Variants in CNR1 observed in about 807,000 individuals in gnomAD.
CNR1 encodes the protein cannabinoid receptor 1, also known as cannabinoid receptor 1 (brain).
In CNR1, 10 loss-of-function variants were observed where a neutral mutation model predicts 23.0. The ratio of observed to expected loss-of-function variants is 0.43; its 90% CI spans 0.27 to 0.74. The LOEUF is 0.74. Ranked by LOEUF, CNR1 falls within the 30% of genes least tolerant of loss-of-function variation. The pLI is 0.19. For missense variants in CNR1, 422 were observed against 618.8 expected (o/e 0.68, Z 3.37); for synonymous variants, 271 against 255.2 (o/e 1.06, Z -0.59).
At chr6:88,148,015 TA>T in intron 1 of CNR1, among the ~76,000 whole-genome samples, 1 of 152,262 alleles carries the variant, frequency 6.6e-6, no homozygotes, top group Admixed American at 6.5e-5. Context: ...TGAAGTCCAG[TA>T]AAAAGTTTCC....
intron 1 of CNR1, among the ~76,000 whole-genome samples, chr6:88,158,142 G>T (rs1777898184): frequency 6.6e-6 from 1 of 152,162 alleles, no homozygotes; most frequent in Non-Finnish European, 1.5e-5. Flanking sequence ...AACAGAACTG[G>T]AAGAACGAGG....
chr6:88,160,511 T>C (rs1778043942), intron 1 of CNR1, among the ~76,000 whole-genome samples: 1 of 150,970 alleles, frequency 6.6e-6, no homozygotes, highest in East Asian at 2.0e-4. Context: ...CTTGGCTCAC[T>C]GCAACCTCTG....
At position 88,144,872 on chromosome 6, in the gene CNR1, G is replaced by C; in HGVS notation, c.403C>G (p.Leu135Val). 6.2e-7 allele frequency: 1 copy of C among 1,614,208 alleles called. No homozygotes were observed. Among genetic ancestry groups the C allele is most frequent in the Non-Finnish European group, 8.5e-7 (1 of 1,180,028 alleles). ...TLGTFTVLENLLVLCVILHSR... is the reference protein window; with the variant it reads ...TLGTFTVLENVLVLCVILHSR... ...TGGAGGATGACGCACAGCACCAGGA[G>C]GTTCTCCAGGACCGTGAAGGTGCCC... Residue 135 changes from leucine (L) to valine (V), a missense_variant, in exon 2 of 2, where the codon CTC becomes GTC. Leu to Val is a conservative substitution (Grantham distance 32). Around this residue, in one of 4 missense-constraint regions of CNR1, gnomAD observed 211 missense variants for 357.3 expected, o/e 0.59. Transcript: ENST00000369501. This position sits in a 1 kb window ranked among gnomAD's most constrained non-coding sequence, Gnocchi z 7.8.
At chr6:88,149,904 T>C (rs1479783546) in intron 1 of CNR1, among the ~76,000 whole-genome samples, 9 of 152,204 alleles carry the variant, frequency 5.9e-5, no homozygotes, top group Non-Finnish European at 1.2e-4. Flanking sequence ...CATCTTTTTT[T>C]CTTAAGTGGT....
At chr6:88,161,801 C>T (rs1778122280) in intron 1 of CNR1, among the ~76,000 whole-genome samples, 1 of 152,142 alleles carries the variant, frequency 6.6e-6, no homozygotes, top group Admixed American at 6.5e-5. Flanking sequence ...CTAAAAATCA[C>T]CCACCTTACA....
At chr6:88,145,594 C>T (rs984081253) in intron 1 of CNR1, among the ~76,000 whole-genome samples, 3 of 152,198 alleles carry the variant, frequency 2.0e-5, no homozygotes, top group Non-Finnish European at 4.4e-5. Flanking sequence ...GTATTGAAGT[C>T]AGTGTGTGAA....
Sources: gnomAD v4.1 joint callset for allele counts (sites outside exome capture counted in the v4.1 genomes callset) on GRCh38, gnomAD v4.1.1 for gene constraint, gnomAD v4.1.1 regional missense constraint, Gnocchi (gnomAD v3.1) non-coding constraint, MANE v1.5 for transcripts, NCBI Gene and HGNC (gene_info 2026-07-23, HGNC 2026-07-21) for gene names.